The following RICTOR variants were observed in gnomAD, a reference collection of about 807,000 sequenced individuals.
The protein encoded by RICTOR is RPTOR independent companion of MTOR complex 2, also known as rapamycin-insensitive companion of mTOR.
Under a neutral mutation model 214.9 loss-of-function variants are expected in RICTOR, and 49 were observed. The observed-to-expected ratio is 0.23, with a 90% CI of 0.18 to 0.29. The LOEUF (loss-of-function observed/expected upper bound fraction) is 0.29. RICTOR is among the 10% of genes least tolerant of loss of function. RICTOR has a pLI of 1.00. For synonymous variants in RICTOR, 717 were observed against 711.3 expected, an observed-to-expected ratio of 1.01 and a Z score of -0.13; for missense variants, 1,625 against 2,047.0, an observed-to-expected ratio of 0.79 and a Z score of 3.98.
chr5:38,990,162 T>A (rs1201049303), intron 7 of RICTOR, among the ~76,000 whole-genome samples: 1 of 151,922 alleles, frequency 6.6e-6, no homozygotes, highest in Non-Finnish European at 1.5e-5. Context: ...TATGCAGCCA[T>A]TAAAAAAGGA....
intron 3 of RICTOR, among the ~76,000 whole-genome samples, chr5:39,012,450 G>T (rs1333671123): frequency 6.6e-6 from 1 of 152,138 alleles, no homozygotes; most frequent in Non-Finnish European, 1.5e-5. Flanking sequence ...AGCAGTATGA[G>T]AATGGACTAA....
chr5:39,032,574 T>C (rs1756350154), intron 2 of RICTOR, among the ~76,000 whole-genome samples: 1 of 152,100 alleles, frequency 6.6e-6, no homozygotes. Flanking sequence ...CAACTCTTCT[T>C]GAATTTGTAA....
rs370102762 is a variant in RICTOR, at chr5:38,941,723, C to T, written c.*581G>A. Reference sequence around the variant, plus strand: ...ACTTATAAGTCCCGGGTTGTTGAGGCTCTTCTTCTGCTTTGAGGTTATAAA... The same window carrying T: ...ACTTATAAGTCCCGGGTTGTTGAGGTTCTTCTTCTGCTTTGAGGTTATAAA... On this transcript the variant is annotated 3_prime_UTR_variant, in exon 38 of 38. Transcript: ENST00000357387. 1 of 232,134 alleles carries T rather than the reference C, an allele frequency of 4.3e-6. No individual in the cohort carries two copies. The highest frequency in any genetic ancestry group is 8.5e-6 in the Non-Finnish European group (1 of 117,230). The allele number at this position is 232,134 out of a possible 1,614,324, so 14.4% of individuals were successfully genotyped here. A position where few individuals can be genotyped will look rare whatever the true frequency, so the allele number is the denominator to read the frequency against.
At position 38,942,912 on chromosome 5, in the gene RICTOR, T is replaced by A. The variant is rs1474733918; in HGVS notation, c.4973A>T (p.His1658Leu). ...DDICLYSEVS[H>L]LLSHCTFRLP... ...TCTGAATGTGCAGTGTGACAGCAAA[T>A]GGGAAACCTCAGAGTAAAGGCATAT... The change falls in exon 37 of 38, where the codon CAT becomes CTT. Residue 1658 changes from histidine to leucine, a missense_variant. Physicochemically the swap from His to Leu is moderately conservative, Grantham distance 99. Transcript: ENST00000357387. 1 of 1,608,092 alleles carries A rather than the reference T, an allele frequency of 6.2e-7. No homozygotes were observed. Among genetic ancestry groups the A allele is most frequent in the Non-Finnish European group, 8.5e-7 (1 of 1,174,674 alleles).
At chr5:39,045,183 TACACAA>T (rs1412856683) in intron 2 of RICTOR, among the ~76,000 whole-genome samples, 6 of 152,170 alleles carry the variant, frequency 3.9e-5, no homozygotes, top group African/African-American at 1.4e-4. Context: ...TTTTACTTTG[TACACAA>T]ACACAAAGTA....
rs35397307 is a variant in RICTOR, at chr5:38,940,019, CTTT to C, written c.*2282_*2284del. 7.9e-5 allele frequency: 16 copies of C among 201,964 alleles called. No individual in the cohort carries two copies. The highest frequency in any genetic ancestry group is 1.5e-3 in the Middle Eastern group (1 of 656). 12.5% of individuals were successfully genotyped at this position (201,964 alleles called of 1,614,324 possible). ...ATAGCACTATAAATTTAAGCGTAGACTTTTTTTTTTTTTTAGTATACTGATAAC... is the reference window on the plus strand; with the variant it reads ...ATAGCACTATAAATTTAAGCGTAGACTTTTTTTTTTTAGTATACTGATAAC... On this transcript the variant is annotated 3_prime_UTR_variant, in exon 38 of 38. Coordinates refer to ENST00000357387, the MANE Select transcript of RICTOR (RefSeq NM_152756.5).
In RICTOR at chr5:38,942,899, G is replaced by C. The variant is rs2112785100; in HGVS notation, c.4986C>G (p.His1662Gln). 1.2e-6 allele frequency: 2 copies of C among 1,608,628 alleles called. No individual in the cohort carries two copies. Among genetic ancestry groups the C allele is most frequent in the Non-Finnish European group, 1.7e-6 (2 of 1,174,998 alleles). ...TCCGACACGGAAGTCTGAATGTGCAGTGTGACAGCAAATGGGAAACCTCAG... is the reference window on the plus strand; with the variant it reads ...TCCGACACGGAAGTCTGAATGTGCACTGTGACAGCAAATGGGAAACCTCAG... ...LYSEVSHLLS[H>Q]CTFRLPCRRF... Residue 1662 changes from histidine (H) to glutamine (Q), a missense_variant, in exon 37 of 38, where the codon CAC (histidine) becomes CAG (glutamine). By Grantham distance (24) the His-to-Gln change is conservative. This residue lies in a region of RICTOR where 44 missense variants were observed against 90.1 expected (regional missense o/e 0.49). Coordinates refer to ENST00000357387, the MANE Select transcript of RICTOR (RefSeq NM_152756.5).
intron 3 of RICTOR, among the ~76,000 whole-genome samples, chr5:39,017,185 G>T (rs1391042905): frequency 2.0e-5 from 3 of 152,086 alleles, no homozygotes; most frequent in African/African-American, 4.8e-5. Context: ...AAGAGATGTG[G>T]AACTATATTA....
intron 33 of RICTOR, 73 bp downstream of exon 33, chr5:38,946,395 C>G (rs1748195528): frequency 1.1e-6 from 1 of 912,280 alleles, no homozygotes. Flanking sequence ...TAGTGTTATC[C>G]TACTAGAAAG....
Position 38,950,819 on chromosome 5 carries a change from C to A in RICTOR, c.3128-99G>T. 5.1e-6 allele frequency: 5 copies of A among 988,306 alleles called. No homozygotes were observed. The South Asian group carries it at 1.0e-4, about 20-fold the overall frequency. 61.2% of individuals were successfully genotyped at this position (988,306 alleles called of 1,614,324 possible). On this transcript the variant is annotated intron_variant, in intron 30 of 37. Transcript: ENST00000357387. ...TTTCAGGAAATTTTTTTTTAGTCAT[C>A]TAGAGGAAAAAATTTAAAAATAAAC... is the stretch of plus-strand genomic sequence containing the variant.
In RICTOR at chr5:38,981,773, T is replaced by A; in HGVS notation, c.753+94A>T. 4 of 779,566 alleles carry A rather than the reference T, an allele frequency of 5.1e-6. No individual in the cohort carries two copies. In the South Asian group the frequency reaches 7.9e-5, roughly 15 times the overall value. 48.3% of individuals were successfully genotyped at this position (779,566 alleles called of 1,614,324 possible). ...CGGCTAATTTAGGCTTGATAATTAA[T>A]GTGGTGCTGCATCTATAAAATTTAG... On this transcript the variant is annotated intron_variant, in intron 8 of 37. Coordinates refer to ENST00000357387, the MANE Select transcript of RICTOR (RefSeq NM_152756.5).
intron 3 of RICTOR, among the ~76,000 whole-genome samples, chr5:39,012,795 C>G (rs886732948): frequency 6.6e-6 from 1 of 152,098 alleles, no homozygotes; most frequent in Non-Finnish European, 1.5e-5. Flanking sequence ...AGACACCACA[C>G]TTTTCATTGG....
At chr5:39,068,576 T>TG in intron 2 of RICTOR, among the ~76,000 whole-genome samples, 1 of 152,348 alleles carries the variant, frequency 6.6e-6, no homozygotes, top group Non-Finnish European at 1.5e-5. Flanking sequence ...TGTTTTGTTT[T>TG]TTTATTTAAG....
chr5:39,027,636 T>A (rs987076448), intron 2 of RICTOR, among the ~76,000 whole-genome samples: 1 of 152,194 alleles, frequency 6.6e-6, no homozygotes, highest in Non-Finnish European at 1.5e-5. Flanking sequence ...TTTAGAGTAC[T>A]TCTGATGTTA....
At chr5:38,945,840 T>C (rs1193519415) in intron 33 of RICTOR, 116 bp from the exon 34 acceptor site, 4 of 536,708 alleles carry the variant, frequency 7.5e-6, no homozygotes, top group Non-Finnish European at 1.3e-5. Flanking sequence ...AAAATCTAAC[T>C]GGAAAGAAAA....
chr5:38,982,950 C>T (rs558676105), intron 7 of RICTOR, among the ~76,000 whole-genome samples: 307 of 152,028 alleles, frequency 2.0e-3, no homozygotes, highest in Non-Finnish European at 3.2e-3. Context: ...ATTTTAGAAT[C>T]AAGTTTCTTT....
At chr5:38,979,570 TAC>T (rs1309336408) in intron 8 of RICTOR, among the ~76,000 whole-genome samples, 4 of 152,186 alleles carry the variant, frequency 2.6e-5, no homozygotes, top group African/African-American at 4.8e-5. Flanking sequence ...TATTAATTTA[TAC>T]AGTTTCAATG....
At chr5:39,014,346 A>G (rs1754774904) in intron 3 of RICTOR, among the ~76,000 whole-genome samples, 1 of 152,174 alleles carries the variant, frequency 6.6e-6, no homozygotes, top group African/African-American at 2.4e-5. Context: ...CACATTTATA[A>G]TTATACCAGA....
intron 15 of RICTOR, among the ~76,000 whole-genome samples, chr5:38,965,691 A>C (rs1385647908): frequency 1.3e-5 from 2 of 152,090 alleles, no homozygotes; most frequent in Non-Finnish European, 2.9e-5. Context: ...AAAAGAACAG[A>C]GCAAGCAGCT....
Sources: allele counts gnomAD v4.1 joint callset (sites outside exome capture counted in the v4.1 genomes callset), GRCh38; gene constraint gnomAD v4.1.1; regional missense constraint gnomAD v4.1.1; transcripts MANE v1.5; gene names NCBI Gene and HGNC (gene_info 2026-07-23, HGNC 2026-07-21).